PKHD1: variants seen among roughly 807,000 people sequenced by gnomAD.
The protein encoded by PKHD1 is fibrocystin.
A neutral mutation model predicts 412.0 loss-of-function variants in PKHD1; 291 were observed. The observed-to-expected ratio is 0.71, with a 90% CI of 0.64 to 0.78. The LOEUF (loss-of-function observed/expected upper bound fraction) is 0.78. Ranked by LOEUF, PKHD1 falls within the 30% of genes least tolerant of loss-of-function variation. The pLI is 0.00. For synonymous variants in PKHD1, 1,777 were observed against 1,821.5 expected (o/e 0.98, Z 0.62); for missense variants, 4,825 against 4,950.7 (o/e 0.97, Z 0.76).
At chr6:51,944,689 G>A (rs1290609958) in intron 36 of PKHD1, among the ~76,000 whole-genome samples, 1 of 152,154 alleles carries the variant, frequency 6.6e-6, no homozygotes, top group Non-Finnish European at 1.5e-5. Context: ...ATTGATTTGG[G>A]TAATAACCCC....
chr6:51,837,700 C>CT (rs1769479727), intron 50 of PKHD1, among the ~76,000 whole-genome samples: 1 of 151,680 alleles, frequency 6.6e-6, no homozygotes, highest in Non-Finnish European at 1.5e-5. Context: ...GAGCAAGACT[C>CT]TGTCTTGAAA....
At position 52,073,466 on chromosome 6, in the gene PKHD1, T is replaced by C. The variant is rs1255989689; in HGVS notation, c.524A>G (p.Asp175Gly). 7 of 1,587,022 alleles carry C rather than the reference T, an allele frequency of 4.4e-6. No individual in the cohort carries two copies. In the Admixed American group the frequency reaches 5.0e-5, roughly 11 times the overall value. ...ACAAAAACAAACACACACTTACCTATCAATGTACTCAGCATCAAAATCAAA... is the reference window on the plus strand; with the variant it reads ...ACAAAAACAAACACACACTTACCTACCAATGTACTCAGCATCAAAATCAAA... ...ETFDFDAEYI[D>G]SPVILEAQGD... The change falls in exon 7 of 67, where the codon GAT becomes GGT. Residue 175 changes from aspartate to glycine, a missense_variant. Transcript: ENST00000371117.
intron 39 of PKHD1, among the ~76,000 whole-genome samples, chr6:51,910,778 T>C (rs1782819406): frequency 1.3e-5 from 2 of 152,106 alleles, no homozygotes; most frequent in Non-Finnish European, 2.9e-5. Flanking sequence ...CCCACTGTTA[T>C]CCAAACATTC....
At chr6:51,771,674 A>C (rs1790165174) in intron 55 of PKHD1, among the ~76,000 whole-genome samples, 1 of 151,722 alleles carries the variant, frequency 6.6e-6, no homozygotes, top group Admixed American at 6.6e-5. Context: ...TATAATATTT[A>C]AATTATTTCA....
At position 51,748,568 on chromosome 6, in the gene PKHD1, T is replaced by C; in HGVS notation, c.9048A>G (p.Ile3016Met). 2 of 1,613,642 alleles carry C rather than the reference T, an allele frequency of 1.2e-6. No individual in the cohort carries two copies. Among genetic ancestry groups the C allele is most frequent in the Non-Finnish European group, 1.7e-6 (2 of 1,179,716 alleles). The change falls in exon 58 of 67, where the codon ATA (isoleucine) becomes ATG (methionine). Residue 3016 changes from isoleucine (I) to methionine (M), a missense_variant. By Grantham distance (10) the Ile-to-Met change is conservative. Coordinates refer to ENST00000371117, the MANE Select transcript of PKHD1 (RefSeq NM_138694.4). Reference sequence around the variant, plus strand: ...CACAGCTCTGGTGCAGAGTAGATGATATGATCCAGGATCCTGCTGACACAT... The same window carrying C: ...CACAGCTCTGGTGCAGAGTAGATGACATGATCCAGGATCCTGCTGACACAT... ...FSNVSAGSWI[I>M]SSTLHQSCGG...
At chr6:52,043,242 C>G in intron 26 of PKHD1, 108 bp from the exon 27 acceptor site, 1 of 875,508 alleles carries the variant, frequency 1.1e-6, no homozygotes, top group Non-Finnish European at 1.7e-6. Flanking sequence ...TGCCCCCATC[C>G]CCTCCCAAAA....
chr6:52,071,748 TA>T (rs968284833), intron 8 of PKHD1, among the ~76,000 whole-genome samples: 35 of 152,266 alleles, frequency 2.3e-4, no homozygotes, highest in African/African-American at 8.4e-4. Flanking sequence ...GCAAGTTACT[TA>T]ACTTTTCTGT....
At chr6:51,923,973 G>C (rs763884351) in intron 37 of PKHD1, among the ~76,000 whole-genome samples, 7 of 152,164 alleles carry the variant, frequency 4.6e-5, no homozygotes, top group Non-Finnish European at 8.8e-5. Flanking sequence ...TCTCTAAAAT[G>C]AAAGTAACGA....
At chr6:51,830,604 T>G (rs575758119) in intron 52 of PKHD1, among the ~76,000 whole-genome samples, 1 of 152,290 alleles carries the variant, frequency 6.6e-6, no homozygotes, top group Admixed American at 6.5e-5. Flanking sequence ...AGTTAGTGGA[T>G]TATTTTAACT....
chr6:52,010,549 C>T (rs895870785), intron 34 of PKHD1, 90 bp from the exon 35 acceptor site: 25 of 1,097,052 alleles, frequency 2.3e-5, no homozygotes, highest in Middle Eastern at 2.9e-4. Context: ...AAGCCATTAG[C>T]TTGTGGCAAC....
chr6:52,025,799 AT>A lies in PKHD1; in HGVS notation c.4010del (p.Asp1337ValfsTer11). 1 of 1,614,174 alleles carries A rather than the reference AT, an allele frequency of 6.2e-7. No homozygotes were observed. Among genetic ancestry groups the A allele is most frequent in the Non-Finnish European group, 8.5e-7 (1 of 1,180,012 alleles). On this transcript the variant is annotated frameshift_variant, in exon 32 of 67. Transcript: ENST00000371117. LOFTEE classifies it high-confidence loss of function. ...SVILLGNLNC[D>X]VETQSFQGNV... ...TGCCCTGGAAGGACTGTGTCTCAAC[AT>A]CACAGTTCAGGTTCCCCAGAAGGAT... is the stretch of plus-strand genomic sequence containing the variant.
intron 60 of PKHD1, among the ~76,000 whole-genome samples, chr6:51,695,982 C>T (rs1287932750): frequency 6.6e-6 from 1 of 152,166 alleles, no homozygotes; most frequent in Non-Finnish European, 1.5e-5. Flanking sequence ...TGAAAAATAA[C>T]CTGTTCCACA....
chr6:51,659,223 C>T lies in PKHD1; in HGVS notation c.10903G>A (p.Gly3635Ser), dbSNP rs759233887. ...VTCTSHYRRV[G>S]QRRPLMMEMN... ...TCCATCATGAGAGGCCTACGTTGAC[C>T]AACTCTTCTATAATGACTAGTGCAA... The change falls in exon 61 of 67, where the codon GGT becomes AGT. Residue 3635 changes from glycine (G) to serine (S), a missense_variant. Coordinates refer to ENST00000371117, the MANE Select transcript of PKHD1 (RefSeq NM_138694.4). The T allele has an allele frequency of 1.9e-6, 3 of 1,613,808 alleles. No homozygotes were observed. The highest frequency in any genetic ancestry group is 2.5e-6 in the Non-Finnish European group (3 of 1,179,894).
chr6:51,985,018 G>GA (rs141221638), intron 35 of PKHD1, among the ~76,000 whole-genome samples: 57 of 140,502 alleles, frequency 4.1e-4, no homozygotes, highest in African/African-American at 7.9e-4. Flanking sequence ...TTTTTCCATA[G>GA]AAAAAAAAAA....
At chr6:52,039,911 AT>A in intron 27 of PKHD1, among the ~76,000 whole-genome samples, 2 of 152,378 alleles carry the variant, frequency 1.3e-5, no homozygotes, top group East Asian at 3.9e-4. Context: ...ACCATGTAAT[AT>A]TGTTTAGTCA....
At chr6:51,860,037 A>C (rs1016221170) in intron 48 of PKHD1, among the ~76,000 whole-genome samples, 7 of 152,176 alleles carry the variant, frequency 4.6e-5, no homozygotes, top group Admixed American at 2.0e-4. Flanking sequence ...TGAGTCTATC[A>C]AGCTCCCCTC....
At chr6:51,700,474 T>A (rs1325911865) in intron 60 of PKHD1, among the ~76,000 whole-genome samples, 2 of 151,968 alleles carry the variant, frequency 1.3e-5, no homozygotes, top group African/African-American at 4.8e-5. Context: ...ATTCTAGGAT[T>A]TTCATTCTCT....
chr6:51,985,876 A>G (rs1479459777), intron 35 of PKHD1, among the ~76,000 whole-genome samples: 1 of 152,248 alleles, frequency 6.6e-6, no homozygotes, highest in Non-Finnish European at 1.5e-5. Flanking sequence ...ACATTCTCAC[A>G]TGCTATATGA....
intron 35 of PKHD1, among the ~76,000 whole-genome samples, chr6:51,974,935 G>A (rs1794175112): frequency 6.6e-6 from 1 of 152,110 alleles, no homozygotes; most frequent in Non-Finnish European, 1.5e-5. Context: ...CACAAAGAGA[G>A]GCAGTCATCA....
Sources: allele counts gnomAD v4.1 joint callset (sites outside exome capture counted in the v4.1 genomes callset), GRCh38; gene constraint gnomAD v4.1.1; transcripts MANE v1.5; gene names NCBI Gene and HGNC (gene_info 2026-07-23, HGNC 2026-07-21).